Variants in LOXL2 observed in about 807,000 individuals in gnomAD.
LOXL2 encodes the protein lysyl oxidase homolog 2.
LOXL2 carries 70 observed loss-of-function variants against 93.0 expected under a neutral mutation model. The ratio of observed to expected loss-of-function variants is 0.75; its 90% CI spans 0.62 to 0.92. The LOEUF is 0.92. Among genes scored for constraint, LOXL2 ranks in the 40% least tolerant of loss-of-function variants. The pLI, the probability that LOXL2 is intolerant of heterozygous loss-of-function variation, is 0.00. For missense variants in LOXL2, 973 were observed against 1,054.9 expected (o/e 0.92, Z 1.08); for synonymous variants, 438 against 413.2 (o/e 1.06, Z -0.73).
intron 1 of LOXL2, among the ~76,000 whole-genome samples, chr8:23,371,579 C>T (rs972158063): frequency 7.3e-5 from 11 of 151,382 alleles, no homozygotes; most frequent in Admixed American, 4.6e-4. Flanking sequence ...GGTGAAACCC[C>T]GTCTCTACTA....
intron 4 of LOXL2, among the ~76,000 whole-genome samples, chr8:23,337,665 T>G (rs1803815193): frequency 6.6e-6 from 1 of 152,264 alleles, no homozygotes; most frequent in African/African-American, 2.4e-5. Flanking sequence ...AGAGCTCATT[T>G]CAATTAAATG....
intron 1 of LOXL2, among the ~76,000 whole-genome samples, chr8:23,373,818 C>G (rs1020925533): frequency 2.0e-5 from 3 of 152,030 alleles, no homozygotes; most frequent in African/African-American, 7.2e-5. Flanking sequence ...CACCGCGAAG[C>G]TCTACTACCC....
At chr8:23,357,244 AT>A (rs1563200905) in intron 3 of LOXL2, among the ~76,000 whole-genome samples, 1 of 151,956 alleles carries the variant, frequency 6.6e-6, no homozygotes, top group Non-Finnish European at 1.5e-5. Flanking sequence ...TAATTTCTGT[AT>A]TTTTAGTAGA....
chr8:23,373,460 G>A (rs890921855), intron 1 of LOXL2, among the ~76,000 whole-genome samples: 5 of 152,154 alleles, frequency 3.3e-5, no homozygotes, highest in Middle Eastern at 3.2e-3. Flanking sequence ...TCAGCTGCCC[G>A]TGTAGCTGGA....
intron 3 of LOXL2, among the ~76,000 whole-genome samples, chr8:23,344,196 C>T (rs1279244149): frequency 6.6e-6 from 1 of 152,238 alleles, no homozygotes; most frequent in Non-Finnish European, 1.5e-5. Context: ...TGCGATGATG[C>T]GGGACAGTTT....
rs1803624116 is a variant in LOXL2, at chr8:23,328,521, GC to G, written c.1010del (p.Gly337AlafsTer67). On this transcript the variant is annotated frameshift_variant, in exon 6 of 14. Transcript: ENST00000389131. LOFTEE classifies it high-confidence loss of function. ...RLRGGAYIGE[G>X]RVEVLKNGEW... ...CTCCATTTTTGAGCACCTCCACGCG[GC>G]CCTCCCCGATGTAGGCACCGCCTCT... The G allele has an allele frequency of 8.1e-6, 13 of 1,613,908 alleles. No individual in the cohort carries two copies. The highest frequency in any genetic ancestry group is 1.3e-5 in the African/African-American group (1 of 74,898).
intron 6 of LOXL2, among the ~76,000 whole-genome samples, chr8:23,327,774 T>G (rs906098850): frequency 4.6e-5 from 7 of 152,164 alleles, no homozygotes; most frequent in African/African-American, 1.7e-4. Context: ...CAACATCACT[T>G]TCCACCAACG....
intron 9 of LOXL2, among the ~76,000 whole-genome samples, chr8:23,314,532 C>CT (rs1803362727): frequency 7.3e-6 from 1 of 136,996 alleles, no homozygotes; most frequent in Admixed American, 7.9e-5. Flanking sequence ...TCTCAGTAAA[C>CT]TATCGCAAGA....
chr8:23,322,147 T>A lies in LOXL2; in HGVS notation c.1285A>T (p.Met429Leu). 6.2e-7 allele frequency: 1 copy of A among 1,614,190 alleles called. No individual in the cohort carries two copies. Among genetic ancestry groups the A allele is most frequent in the Non-Finnish European group, 8.5e-7 (1 of 1,180,000 alleles). Reference sequence around the variant, plus strand: ...CCCATCACCTTCTTCTGCAAGCCCATGGCAGGGGTGTTGCATCTCACACCA... The same window carrying A: ...CCCATCACCTTCTTCTGCAAGCCCAAGGCAGGGGTGTTGCATCTCACACCA... Reference protein sequence around the residue: ...DAGVRCNTPAMGLQKKLRLNG... With the variant: ...DAGVRCNTPALGLQKKLRLNG... The change falls in exon 7 of 14, where the codon ATG becomes TTG. Residue 429 changes from methionine (M) to leucine (L), a missense_variant. Physicochemically the swap from Met to Leu is conservative, Grantham distance 15 (BLOSUM62 2). Transcript: ENST00000389131.
chr8:23,300,264 C>T (rs956308999), intron 12 of LOXL2, among the ~76,000 whole-genome samples: 1 of 152,228 alleles, frequency 6.6e-6, no homozygotes, highest in South Asian at 2.1e-4. Context: ...CCCACTGTTT[C>T]ACCCCACTCA....
chr8:23,342,647 G>A (rs924426614), intron 3 of LOXL2, among the ~76,000 whole-genome samples: 1 of 152,126 alleles, frequency 6.6e-6, no homozygotes, highest in African/African-American at 2.4e-5. Flanking sequence ...TAGCCAGGAT[G>A]GTCTCGATTT....
chr8:23,352,854 TCA>T (rs1804116624), intron 3 of LOXL2, among the ~76,000 whole-genome samples: 1 of 151,874 alleles, frequency 6.6e-6, no homozygotes, highest in Admixed American at 6.6e-5. Context: ...CTGCCCACTT[TCA>T]CAAACGGGAA....
chr8:23,379,449 A>G (rs1365455750), intron 1 of LOXL2, among the ~76,000 whole-genome samples: 1 of 151,900 alleles, frequency 6.6e-6, no homozygotes, highest in Non-Finnish European at 1.5e-5. Context: ...GAGAACCACT[A>G]CTCTCTTCAA....
At position 23,344,033 on chromosome 8, in the gene LOXL2, C is replaced by T. The variant is rs534993682; in HGVS notation, c.532-2830G>A. The stretch of plus-strand genomic sequence containing the variant: ...TGCGTTGGGCAGCAGTGCAGGCTCG[C>T]TGCAGGGAAGGTGTGACCCCCAGCA... On this transcript the variant is annotated intron_variant, in intron 3 of 13. Transcript: ENST00000389131. Among the ~76,000 whole-genome samples the T allele has an allele frequency of 5.9e-5, 9 of 152,346 alleles. No homozygotes were observed. In the South Asian group the frequency reaches 1.9e-3, roughly 32 times the overall value.
At chr8:23,403,097 C>T (rs1420247940) in intron 1 of LOXL2, among the ~76,000 whole-genome samples, 1 of 152,192 alleles carries the variant, frequency 6.6e-6, no homozygotes, top group Non-Finnish European at 1.5e-5. Context: ...AGCAGGCAGC[C>T]ACACCCAGAG....
intron 2 of LOXL2, chr8:23,364,318 C>G: frequency 6.6e-6 from 1 of 152,220 alleles, no homozygotes; most frequent in East Asian, 1.9e-4. Context: ...GCCAGGAAAG[C>G]CGTGTCCTTG....
intron 3 of LOXL2, among the ~76,000 whole-genome samples, chr8:23,351,560 A>C (rs1303119336): frequency 6.6e-6 from 1 of 152,236 alleles, no homozygotes; most frequent in Non-Finnish European, 1.5e-5. Context: ...TCATGTGTGC[A>C]ATCTAACAAA....
intron 4 of LOXL2, chr8:23,336,749 C>G (rs1803799378): frequency 6.6e-6 from 1 of 152,176 alleles, no homozygotes; most frequent in Admixed American, 6.5e-5. Flanking sequence ...CCCATAAGCC[C>G]CCACTTTGAT....
At chr8:23,318,184 A>AC (rs1563188635) in intron 8 of LOXL2, among the ~76,000 whole-genome samples, 2 of 77,972 alleles carry the variant, frequency 2.6e-5, no homozygotes, top group Non-Finnish European at 6.4e-5. Context: ...TAAAAAAAAA[A>AC]AAAACCCAAA....
Sources: gnomAD v4.1 joint callset for allele counts (sites outside exome capture counted in the v4.1 genomes callset) on GRCh38, gnomAD v4.1.1 for gene constraint, MANE v1.5 for transcripts, NCBI Gene and HGNC (gene_info 2026-07-23, HGNC 2026-07-21) for gene names.